Variants in GPHN observed in about 807,000 individuals in gnomAD.
GPHN encodes gephyrin.
In GPHN, 17 loss-of-function variants were observed where a neutral mutation model predicts 95.5. The observed-to-expected ratio is 0.18, with a 90% CI of 0.12 to 0.27. The LOEUF is 0.27. Ranked by LOEUF, GPHN falls within the 10% of genes least tolerant of loss-of-function variation. GPHN has a pLI of 1.00. For synonymous variants in GPHN, 320 were observed against 322.5 expected (o/e 0.99, Z 0.08); for missense variants, 660 against 978.1 (o/e 0.67, Z 4.34).
At chr14:67,020,567 T>C (rs1362730833) in intron 9 of GPHN, among the ~76,000 whole-genome samples, 1 of 152,204 alleles carries the variant, frequency 6.6e-6, no homozygotes, top group African/African-American at 2.4e-5. Flanking sequence ...ATATTACACA[T>C]GTAAACACAT....
At chr14:66,883,766 G>T (rs544382199) in intron 5 of GPHN, among the ~76,000 whole-genome samples, 1 of 152,200 alleles carries the variant, frequency 6.6e-6, no homozygotes, top group Admixed American at 6.6e-5. Context: ...CCCAGTACAT[G>T]AATGATTTAG....
chr14:67,011,906 A>G (rs2073037598), intron 9 of GPHN, among the ~76,000 whole-genome samples: 2 of 149,784 alleles, frequency 1.3e-5, no homozygotes, highest in Admixed American at 1.3e-4. Context: ...GAAGCAGGCA[A>G]GATGTCTCAA....
At chr14:66,961,601 A>C (rs1200668727) in intron 8 of GPHN, among the ~76,000 whole-genome samples, 2 of 151,712 alleles carry the variant, frequency 1.3e-5, no homozygotes, top group African/African-American at 4.8e-5. Flanking sequence ...AAAAATGGGC[A>C]AGGATTTGAA....
chr14:67,349,239 T>G, the GPHN span: 1 of 871,092 alleles, frequency 1.1e-6, no homozygotes, highest in South Asian at 1.8e-5. Context: ...AACTGTCCTT[T>G]TTCCAAAAAG....
chr14:67,618,017 C>T, the GPHN span, among the ~76,000 whole-genome samples: 4,716 of 152,124 alleles, frequency 0.031, 222 homozygotes, highest in African/African-American at 0.11. Flanking sequence ...CCGCGCCCAG[C>T]GGAAGCAAGA....
chr14:67,619,310 T>C, the GPHN span, among the ~76,000 whole-genome samples: 4 of 152,198 alleles, frequency 2.6e-5, no homozygotes, highest in Admixed American at 1.3e-4. Flanking sequence ...ATCTAAAAGG[T>C]AATTGCTTTG....
chr14:67,309,521 T>C, the GPHN span, among the ~76,000 whole-genome samples: 1 of 152,146 alleles, frequency 6.6e-6, no homozygotes, highest in Non-Finnish European at 1.5e-5. Flanking sequence ...GCATGTTCTC[T>C]TCCCAGCCTA....
chr14:66,567,465 C>G, intron 1 of GPHN, among the ~76,000 whole-genome samples: 1 of 152,064 alleles, frequency 6.6e-6, no homozygotes. Flanking sequence ...TTAAAATTCC[C>G]TAGGGATTTG....
the GPHN span, among the ~76,000 whole-genome samples, chr14:67,560,310 A>G: frequency 1.9e-4 from 29 of 152,276 alleles, no homozygotes; most frequent in African/African-American, 6.5e-4. Flanking sequence ...TAAAGGAGGG[A>G]ACCACCGTGC....
chr14:66,775,649 A>G (rs1381729916), intron 2 of GPHN, among the ~76,000 whole-genome samples: 5 of 152,224 alleles, frequency 3.3e-5, no homozygotes, highest in African/African-American at 1.2e-4. Flanking sequence ...AAGAAAAATT[A>G]CTGAATGTTT....
At chr14:67,352,698 C>G in the GPHN span, 1 of 412,048 alleles carries the variant, frequency 2.4e-6, no homozygotes, top group East Asian at 4.3e-5. Context: ...GTAAGAGAGG[C>G]AGGCGGGGGG....
At chr14:66,622,337 A>T (rs1311391068) in intron 1 of GPHN, among the ~76,000 whole-genome samples, 1 of 151,880 alleles carries the variant, frequency 6.6e-6, no homozygotes, top group East Asian at 1.9e-4. Context: ...GGCCCACAAA[A>T]CCATGTTTTC....
At chr14:67,198,836 C>T in the GPHN span, 1 of 574,882 alleles carries the variant, frequency 1.7e-6, no homozygotes, top group East Asian at 3.5e-5. Flanking sequence ...AAACATTCAA[C>T]ATTAAAATAT....
At chr14:67,128,141 ATGAC>A (rs2079446296) in intron 17 of GPHN, among the ~76,000 whole-genome samples, 1 of 152,200 alleles carries the variant, frequency 6.6e-6, no homozygotes, top group African/African-American at 2.4e-5. Flanking sequence ...CTGTATGCTA[ATGAC>A]TGACTACCAA....
rs375991173 is a variant in GPHN, at chr14:66,973,484, C to T, written c.963+8159C>T. Among the ~76,000 whole-genome samples, 9 of 152,330 alleles carry T rather than the reference C, an allele frequency of 5.9e-5. No individual in the cohort carries two copies. The East Asian group carries it at 1.2e-3, about 20-fold the overall frequency. The stretch of plus-strand genomic sequence containing the variant: ...GCCCTCTTTTAAGAAATAGGCCAGA[C>T]GTGGTGGCTCACACCTGTAATTCCA... On this transcript the variant is annotated intron_variant, in intron 9 of 22. Transcript: ENST00000478722.
intron 2 of GPHN, among the ~76,000 whole-genome samples, chr14:66,723,814 C>T (rs553698176): frequency 1.3e-5 from 2 of 152,142 alleles, no homozygotes; most frequent in South Asian, 4.2e-4. Flanking sequence ...CAAAGATTAT[C>T]CCAGATCACA....
At chr14:67,225,260 C>A in the GPHN span, 1 of 1,500,696 alleles carries the variant, frequency 6.7e-7, no homozygotes, top group Non-Finnish European at 8.8e-7. Context: ...GTAAGACAAA[C>A]TAAAGGTAAC....
chr14:67,097,120 A>G (rs1461956997), intron 12 of GPHN, among the ~76,000 whole-genome samples: 1 of 152,194 alleles, frequency 6.6e-6, no homozygotes, highest in Non-Finnish European at 1.5e-5. Flanking sequence ...AGCAAGTGCC[A>G]GGGATTAGCA....
intron 4 of GPHN, among the ~76,000 whole-genome samples, chr14:66,843,324 T>A (rs954159819): frequency 5.9e-5 from 9 of 152,214 alleles, no homozygotes; most frequent in African/African-American, 2.2e-4. Context: ...TAACAAGTGC[T>A]ATGCCATCTG....
Sources: gnomAD v4.1 joint callset for allele counts (sites outside exome capture counted in the v4.1 genomes callset) on GRCh38, gnomAD v4.1.1 for gene constraint, MANE v1.5 for transcripts, NCBI Gene and HGNC (gene_info 2026-07-23, HGNC 2026-07-21) for gene names.